Variants in ANO10 observed in about 807,000 individuals in gnomAD.
ANO10 encodes anoctamin-10.
ANO10 carries 77 observed loss-of-function variants against 74.7 expected under a neutral mutation model. The ratio of observed to expected loss-of-function variants is 1.03; its 90% CI spans 0.86 to 1.25. The LOEUF (loss-of-function observed/expected upper bound fraction) is 1.25. Ranked by LOEUF, ANO10 falls within the 50% of genes most tolerant of loss-of-function variation. The pLI is 0.00. For missense variants in ANO10, 721 were observed against 778.1 expected (o/e 0.93, Z 0.87); for synonymous variants, 279 against 284.9 (o/e 0.98, Z 0.21).
At chr3:43,674,424 A>G (rs1412920238) in intron 1 of ANO10, among the ~76,000 whole-genome samples, 1 of 152,162 alleles carries the variant, frequency 6.6e-6, no homozygotes, top group Non-Finnish European at 1.5e-5. Flanking sequence ...AGCTGAGATT[A>G]CAGGCACCCA....
chr3:43,525,441 G>C (rs906358353), intron 11 of ANO10, among the ~76,000 whole-genome samples: 1 of 152,104 alleles, frequency 6.6e-6, no homozygotes, highest in African/African-American at 2.4e-5. Context: ...CTGGTGCTTT[G>C]TGTTCATGCT....
At chr3:43,488,855 A>G (rs2076605119) in intron 11 of ANO10, among the ~76,000 whole-genome samples, 1 of 152,198 alleles carries the variant, frequency 6.6e-6, no homozygotes, top group Non-Finnish European at 1.5e-5. Flanking sequence ...ATGCTCCTAT[A>G]AAGACACATG....
chr3:43,495,046 C>A (rs2076864789), intron 11 of ANO10, among the ~76,000 whole-genome samples: 1 of 151,684 alleles, frequency 6.6e-6, no homozygotes, highest in Non-Finnish European at 1.5e-5. Context: ...ATAATCAAAA[C>A]AATATGGATT....
intron 1 of ANO10, among the ~76,000 whole-genome samples, chr3:43,672,622 CTCTA>C (rs1174482162): frequency 1.3e-5 from 2 of 152,148 alleles, no homozygotes; most frequent in African/African-American, 2.4e-5. Context: ...ATAAACAGGT[CTCTA>C]TCTTTCAAAT....
At chr3:43,679,134 G>C (rs554463233) in intron 1 of ANO10, among the ~76,000 whole-genome samples, 1 of 152,340 alleles carries the variant, frequency 6.6e-6, no homozygotes, top group Admixed American at 6.5e-5. Context: ...AGCCGAAGCA[G>C]GGCGAGGCAT....
intron 1 of ANO10, among the ~76,000 whole-genome samples, chr3:43,685,348 G>C (rs1446834996): frequency 2.0e-5 from 3 of 151,990 alleles, no homozygotes; most frequent in African/African-American, 7.3e-5. Context: ...ATATGCTCTG[G>C]AGTACTTCCA....
rs535956156 is a variant in ANO10, at chr3:43,507,898, C to CA, written c.1797+41821dup. ...ATAAACAATTGCCAACAAATACTTG[C>CA]AAAAAATGTCATCAAACAAAAAGGA... On this transcript the variant is annotated intron_variant, in intron 11 of 12. Transcript: ENST00000292246. Among the ~76,000 whole-genome samples the CA allele has an allele frequency of 4.9e-4, 75 of 151,776 alleles. 1 individual carries two copies. The South Asian group carries it at 0.015, about 31-fold the overall frequency.
chr3:43,578,099 T>C (rs907264547), intron 5 of ANO10, among the ~76,000 whole-genome samples: 2 of 152,182 alleles, frequency 1.3e-5, no homozygotes, highest in Non-Finnish European at 2.9e-5. Context: ...ACAGTTAACA[T>C]ATTTTTCTTA....
intron 1 of ANO10, among the ~76,000 whole-genome samples, chr3:43,655,145 C>T (rs1381375532): frequency 6.6e-6 from 1 of 152,140 alleles, no homozygotes; most frequent in African/African-American, 2.4e-5. Flanking sequence ...CACATGATTC[C>T]AAGAAAAGCA....
At chr3:43,625,940 C>CT (rs113199708), upstream of ANO10, among the ~76,000 whole-genome samples, 2,398 of 143,932 alleles carry the variant, frequency 0.017, 60 homozygotes, top group African/African-American at 0.051. Context: ...TCTTCAATTA[C>CT]TTTTTTTTTT....
At chr3:43,473,145 T>C (rs900630953) in intron 11 of ANO10, among the ~76,000 whole-genome samples, 1 of 146,174 alleles carries the variant, frequency 6.8e-6, no homozygotes, top group Non-Finnish European at 1.5e-5. Context: ...AGATTTTTGG[T>C]CCAAAATGTC....
chr3:43,499,661 GA>G (rs201035769), intron 11 of ANO10, among the ~76,000 whole-genome samples: 3 of 148,416 alleles, frequency 2.0e-5, no homozygotes, highest in South Asian at 2.1e-4. Flanking sequence ...ATACCACCAA[GA>G]AAAAAAAATA....
At chr3:43,537,921 G>T (rs2078787643) in intron 11 of ANO10, among the ~76,000 whole-genome samples, 2 of 152,094 alleles carry the variant, frequency 1.3e-5, no homozygotes, top group Non-Finnish European at 2.9e-5. Context: ...CACCCTGGAG[G>T]ACTACAAAAG....
chr3:43,609,182 C>T (rs535944707), intron 1 of ANO10, among the ~76,000 whole-genome samples: 1 of 152,192 alleles, frequency 6.6e-6, no homozygotes, highest in Admixed American at 6.5e-5. Flanking sequence ...GCAAGAAGTT[C>T]GTTTCCCATG....
chr3:43,482,889 C>G (rs1165448270), intron 11 of ANO10, among the ~76,000 whole-genome samples: 1 of 152,052 alleles, frequency 6.6e-6, no homozygotes, highest in Non-Finnish European at 1.5e-5. Context: ...GGACACAGTC[C>G]CCACCAGGAG....
intron 10 of ANO10, among the ~76,000 whole-genome samples, chr3:43,552,510 T>C (rs1194472114): frequency 2.0e-5 from 3 of 152,086 alleles, no homozygotes; most frequent in African/African-American, 7.2e-5. Flanking sequence ...TTTTGTTTAC[T>C]AATATTTTTG....
At chr3:43,502,931 G>A (rs190104890) in intron 11 of ANO10, among the ~76,000 whole-genome samples, 30 of 152,208 alleles carry the variant, frequency 2.0e-4, no homozygotes, top group Non-Finnish European at 3.7e-4. Context: ...GCTAGGTGGA[G>A]GGGATAATAG....
intron 7 of ANO10, among the ~76,000 whole-genome samples, chr3:43,567,841 T>C (rs1015690448): frequency 7.3e-5 from 11 of 151,704 alleles, no homozygotes; most frequent in East Asian, 5.9e-4. Flanking sequence ...CAATATTAAC[T>C]TTAAATGTAA....
intron 1 of ANO10, among the ~76,000 whole-genome samples, chr3:43,635,553 G>A (rs1006788392): frequency 6.6e-6 from 1 of 151,938 alleles, no homozygotes; most frequent in African/African-American, 2.4e-5. Flanking sequence ...ATGTTTTAAA[G>A]GTCTTTGACT....
Sources: allele counts gnomAD v4.1 joint callset (sites outside exome capture counted in the v4.1 genomes callset), GRCh38; gene constraint gnomAD v4.1.1; transcripts MANE v1.5; gene names NCBI Gene and HGNC (gene_info 2026-07-23, HGNC 2026-07-21).